Variants in FRMPD4 observed in about 807,000 individuals in gnomAD.
FRMPD4 encodes FERM and PDZ domain containing 4.
Under a neutral mutation model 94.1 loss-of-function variants are expected in FRMPD4, and 22 were observed. The ratio of observed to expected loss-of-function variants is 0.23; its 90% CI spans 0.17 to 0.33. The LOEUF is 0.33. Among genes scored for constraint, FRMPD4 ranks in the 10% least tolerant of loss-of-function variants. FRMPD4 has a pLI of 1.00. For missense variants in FRMPD4, 1,111 were observed against 1,339.9 expected, an observed-to-expected ratio of 0.83 and a Z score of 2.67; for synonymous variants, 631 against 548.6, an observed-to-expected ratio of 1.15 and a Z score of -2.10.
At chrX:12,036,574 G>A (rs1049040473) in intron 3 of FRMPD4, among the ~76,000 whole-genome samples, 2 of 111,021 alleles carry the variant, frequency 1.8e-5, no homozygotes, top group South Asian at 3.8e-4. Context: ...AATGGCTTGC[G>A]GAGAACCCTT....
rs141508652 is a variant in FRMPD4 at position 12,097,017 on chromosome X, T to C, written c.95+218999T>C. Among the ~76,000 whole-genome samples the C allele has an allele frequency of 1.3e-4, 15 of 112,377 alleles. No individual in the cohort carries two copies. In the East Asian group the frequency reaches 4.2e-3, roughly 31 times the overall value. ...GGACAAAATAGAAATGGAAACTCTTTGGAGTGTGAACACATTAAATGCACC... is the reference window on the plus strand; with the variant it reads ...GGACAAAATAGAAATGGAAACTCTTCGGAGTGTGAACACATTAAATGCACC... On this transcript the variant is annotated intron_variant, in intron 3 of 18. Coordinates refer to the FRMPD4 transcript ENST00000640291.
chrX:12,446,866 T>C (rs771378486), intron 1 of FRMPD4, among the ~76,000 whole-genome samples: 139 of 111,955 alleles, frequency 1.2e-3, no homozygotes, highest in Non-Finnish European at 1.5e-3. Flanking sequence ...GAAATGGCTA[T>C]GAGCATGATG....
At chrX:12,279,879 C>T (rs1292760515) in intron 1 of FRMPD4, among the ~76,000 whole-genome samples, 1 of 111,191 alleles carries the variant, frequency 9.0e-6, no homozygotes, top group Non-Finnish European at 1.9e-5. Context: ...AACACTGACT[C>T]TGGAAAGAAC....
chrX:12,029,223 T>C (rs2054678046), intron 3 of FRMPD4, among the ~76,000 whole-genome samples: 1 of 112,336 alleles, frequency 8.9e-6, no homozygotes, highest in Non-Finnish European at 1.9e-5. Flanking sequence ...ATTTCCCTGG[T>C]GACATGATGT....
At chrX:12,251,234 G>C (rs887307317) in intron 1 of FRMPD4, among the ~76,000 whole-genome samples, 47 of 111,270 alleles carry the variant, frequency 4.2e-4, no homozygotes, top group Non-Finnish European at 7.9e-4. Flanking sequence ...ACAATGTCAG[G>C]GTCTGGCCTG....
rs1183441326 is a variant in FRMPD4 at position 12,716,915 on chromosome X, A to G, written c.2456A>G (p.Asp819Gly). The G allele has an allele frequency of 8.3e-7, 1 of 1,211,248 alleles. No homozygotes were observed. Among genetic ancestry groups the G allele is most frequent in the Admixed American group, 2.2e-5 (1 of 46,134 alleles). The stretch of plus-strand genomic sequence containing the variant: ...CCACCTGGCTTTAGAGACAGTTCAG[A>G]TGAAGAGGACTCTCAGAGCCAGGCA... The part of the protein sequence containing the change: ...APPPGFRDSS[D>G]EEDSQSQAAS... The change falls in exon 15 of 17, where the codon GAT (aspartate) becomes GGT (glycine). Residue 819 changes from aspartate to glycine, a missense_variant. By Grantham distance (94) the Asp-to-Gly change is moderately conservative. Transcript: ENST00000675598.
chrX:12,503,165 A>G (rs1328931764), intron 2 of FRMPD4, among the ~76,000 whole-genome samples: 1 of 111,898 alleles, frequency 8.9e-6, no homozygotes, highest in Non-Finnish European at 1.9e-5. Context: ...TAGCTGGCAA[A>G]ATAGATTATT....
At chrX:12,629,149 G>A (rs777340015) in intron 4 of FRMPD4, among the ~76,000 whole-genome samples, 1 of 112,204 alleles carries the variant, frequency 8.9e-6, no homozygotes, top group South Asian at 3.7e-4. Flanking sequence ...AATTTGGGCG[G>A]GGACACAGCC....
intron 16 of FRMPD4, 49 bp downstream of exon 16, chrX:12,718,839 TAAAC>T: frequency 8.9e-6 from 7 of 786,173 alleles, no homozygotes; most frequent in Non-Finnish European, 1.3e-5. Context: ...CAAGAGCATG[TAAAC>T]CATATTTACA....
intron 4 of FRMPD4, among the ~76,000 whole-genome samples, chrX:12,639,583 A>C (rs5979700): frequency 0.37 from 40,634 of 111,183 alleles, 6,231 homozygotes; most frequent in Non-Finnish European, 0.48. Flanking sequence ...ATACTTATGG[A>C]CATCAAAGAA....
At chrX:12,035,425 C>CT (rs1483466470) in intron 3 of FRMPD4, among the ~76,000 whole-genome samples, 1 of 111,756 alleles carries the variant, frequency 8.9e-6, no homozygotes, top group Non-Finnish European at 1.9e-5. Context: ...CACTGGTTGT[C>CT]TTAGACTCTA....
chrX:12,331,163 T>A (rs897265699), intron 1 of FRMPD4, among the ~76,000 whole-genome samples: 1 of 110,105 alleles, frequency 9.1e-6, no homozygotes, highest in Non-Finnish European at 1.9e-5. Context: ...GACCCCTGGT[T>A]TGGCAGAAAT....
intron 1 of FRMPD4, among the ~76,000 whole-genome samples, chrX:12,319,541 G>C (rs1022032428): frequency 9.0e-6 from 1 of 111,545 alleles, no homozygotes; most frequent in Non-Finnish European, 1.9e-5. Flanking sequence ...CTCCCCACAG[G>C]CTGGATCTGC....
intron 3 of FRMPD4, among the ~76,000 whole-genome samples, chrX:12,058,779 C>A (rs2054868971): frequency 1.8e-5 from 2 of 110,896 alleles, no homozygotes; most frequent in Admixed American, 1.9e-4. Flanking sequence ...CCTCCCTGCC[C>A]AGAGATATTT....
Position 12,106,501 on chromosome X carries a change from C to T in FRMPD4, c.95+228483C>T, listed in dbSNP as rs1049415216. Among the ~76,000 whole-genome samples, 19 of 111,050 alleles carry T rather than the reference C, an allele frequency of 1.7e-4. No individual in the cohort carries two copies. The East Asian group carries it at 4.6e-3, about 27-fold the overall frequency. On this transcript the variant is annotated intron_variant, in intron 3 of 18. Transcript: ENST00000640291. ...CAACGCAGAAGACAGGTGATTTCTG[C>T]ATTTCCAACGGACGTACCGGGTTCA...
intron 1 of FRMPD4, among the ~76,000 whole-genome samples, chrX:12,227,211 C>G (rs1273502752): frequency 9.0e-6 from 1 of 111,407 alleles, no homozygotes; most frequent in Non-Finnish European, 1.9e-5. Flanking sequence ...GGTGGTGATT[C>G]TGGAGGTTAT....
intron 1 of FRMPD4, among the ~76,000 whole-genome samples, chrX:12,388,850 TAC>T (rs1395867975): frequency 1.5e-4 from 11 of 73,454 alleles, no homozygotes; most frequent in African/African-American, 3.9e-4. Flanking sequence ...TATATATATA[TAC>T]ACACAATGGA....
chrX:11,902,564 C>CA (rs1569121951), intron 3 of FRMPD4, among the ~76,000 whole-genome samples: 1 of 111,484 alleles, frequency 9.0e-6, no homozygotes. Flanking sequence ...AATTACTTCC[C>CA]AAAGGCCCTA....
chrX:11,841,208 C>T (rs1398093143), intron 1 of FRMPD4, among the ~76,000 whole-genome samples: 4 of 108,574 alleles, frequency 3.7e-5, no homozygotes, highest in South Asian at 4.0e-4. Context: ...AATAAACATA[C>T]GTGTGCATGT....
Sources: allele counts gnomAD v4.1 joint callset (sites outside exome capture counted in the v4.1 genomes callset), GRCh38; gene constraint gnomAD v4.1.1; transcripts MANE v1.5; gene names NCBI Gene and HGNC (gene_info 2026-07-23, HGNC 2026-07-21).